The following ARHGAP12 variants were observed in gnomAD, a reference collection of about 807,000 sequenced individuals.
The protein encoded by ARHGAP12 is Rho GTPase activating protein 12, also known as rho GTPase-activating protein 12.
ARHGAP12 carries 64 observed loss-of-function variants against 108.6 expected under a neutral mutation model. The ratio of observed to expected loss-of-function variants is 0.59; its 90% CI spans 0.48 to 0.73. The LOEUF (loss-of-function observed/expected upper bound fraction) is 0.73, where lower values mean the gene tolerates loss of function less well. ARHGAP12 is among the 30% of genes least tolerant of loss of function. The pLI is 0.00. For missense variants in ARHGAP12, 940 were observed against 1,005.9 expected, an observed-to-expected ratio of 0.93 and a Z score of 0.89; for synonymous variants, 312 against 337.2, an observed-to-expected ratio of 0.93 and a Z score of 0.82.
chr10:31,893,836 G>C (rs1189058144), intron 3 of ARHGAP12, among the ~76,000 whole-genome samples: 5 of 152,064 alleles, frequency 3.3e-5, no homozygotes, highest in Non-Finnish European at 4.4e-5. Context: ...AACATCAATG[G>C]AAAAATCCTC....
Position 31,861,488 on chromosome 10 carries a change from G to C in ARHGAP12, c.855C>G (p.Asn285Lys), listed in dbSNP as rs1484062086. 6 of 1,614,084 alleles carry C rather than the reference G, an allele frequency of 3.7e-6. No individual in the cohort carries two copies. ...TCCAAGTTCTTTCCTGTGTCCCTCT[G>C]TTATAGTAATAGCAACGCCCTGAGC... Reference protein sequence around the residue: ...KDSSGRCYYYNRGTQERTWKP... With the variant: ...KDSSGRCYYYKRGTQERTWKP... Residue 285 changes from asparagine (N) to lysine (K), a missense_variant, in exon 4 of 20, where the codon AAC becomes AAG. Coordinates refer to ENST00000344936, the MANE Select transcript of ARHGAP12 (RefSeq NM_018287.7).
In ARHGAP12 at chr10:31,854,225, A is replaced by AT. The variant is rs1564391419; in HGVS notation, c.949-20dup. 2 of 1,580,834 alleles carry AT rather than the reference A, an allele frequency of 1.3e-6. No homozygotes were observed. The highest frequency in any genetic ancestry group is 2.4e-5 in the South Asian group (2 of 84,736). ...AAAGAAGCTACAAATAGTCAGAAAC[A>AT]TAAGGATTTTTCTTTTTTGAATATA... is the stretch of plus-strand genomic sequence containing the variant. On this transcript the variant is annotated intron_variant, in intron 4 of 19. Transcript: ENST00000344936.
chr10:31,867,920 C>T (rs1340724500), intron 3 of ARHGAP12, among the ~76,000 whole-genome samples: 1 of 152,012 alleles, frequency 6.6e-6, no homozygotes, highest in Middle Eastern at 3.2e-3. Context: ...AAAAATCTGG[C>T]CAGGCACAGT....
In ARHGAP12 at chr10:31,820,438, T is replaced by C; in HGVS notation, c.1581A>G (p.Ala527=). Residue 527 remains alanine (A), a synonymous_variant, in exon 12 of 20, where the codon GCA becomes GCG. Coordinates refer to ENST00000344936, the MANE Select transcript of ARHGAP12 (RefSeq NM_018287.7). ...TATCCTTTGAAGCCATCTCAATTGT[T>C]GCCCCCTTGAGGTCCACTGTGAACT... ...KPEFTVDLKG[A]TIEMASKDKS... The C allele has an allele frequency of 1.2e-6, 2 of 1,612,466 alleles. No individual in the cohort carries two copies. Among genetic ancestry groups the C allele is most frequent in the African/African-American group, 1.3e-5 (1 of 74,962 alleles).
At chr10:31,878,648 C>A (rs1207882354) in intron 3 of ARHGAP12, among the ~76,000 whole-genome samples, 1 of 152,222 alleles carries the variant, frequency 6.6e-6, no homozygotes, top group Non-Finnish European at 1.5e-5. Context: ...CTGCTGCCTT[C>A]TTTTGTAAAT....
At chr10:31,848,310 G>C (rs746332494) in intron 6 of ARHGAP12, among the ~76,000 whole-genome samples, 3 of 152,168 alleles carry the variant, frequency 2.0e-5, no homozygotes. Flanking sequence ...CGGCTTTTAA[G>C]ATTGTCTCCT....
At chr10:31,926,261 G>C (rs537948841) in intron 1 of ARHGAP12, among the ~76,000 whole-genome samples, 2 of 151,226 alleles carry the variant, frequency 1.3e-5, no homozygotes, top group South Asian at 4.2e-4. Flanking sequence ...AGTCCATGAA[G>C]TCAATGAAAG....
chr10:31,852,057 T>A (rs1359800764), intron 6 of ARHGAP12, among the ~76,000 whole-genome samples: 1 of 152,192 alleles, frequency 6.6e-6, no homozygotes, highest in Non-Finnish European at 1.5e-5. Flanking sequence ...TCCTAGGACA[T>A]CTTATCACAT....
chr10:31,807,868 T>C, intron 19 of ARHGAP12, 36 bp from the exon 20 acceptor site: 4 of 1,431,482 alleles, frequency 2.8e-6, no homozygotes, highest in Non-Finnish European at 3.7e-6. Context: ...AAAGAGAAAA[T>C]AAGAGAGAGG....
chr10:31,908,992 C>T (rs1839249101), intron 2 of ARHGAP12, 66 bp from the exon 3 acceptor site: 1 of 850,316 alleles, frequency 1.2e-6, no homozygotes, highest in Non-Finnish European at 1.8e-6. Flanking sequence ...TTCGTATTTA[C>T]TCACAAGCAT....
At position 31,908,604 on chromosome 10, in the gene ARHGAP12, T is replaced by C. The variant is rs765387870; in HGVS notation, c.252A>G (p.Val84=). 26 of 1,614,122 alleles carry C rather than the reference T, an allele frequency of 1.6e-5. No individual in the cohort carries two copies. The Admixed American group carries it at 4.3e-4, about 27-fold the overall frequency. ...TCGTGGAGTTATTTGGCAGACCAGC[T>C]ACCTGCTTAACAGGTGGCATGAGAG... ...RKALMPPVKQ[V]AGLPNNSTKI... is the part of the protein sequence containing the mutation. The change falls in exon 3 of 20, where the codon GTA becomes GTG. Residue 84 remains valine, a synonymous_variant. Coordinates refer to ENST00000344936, the MANE Select transcript of ARHGAP12 (RefSeq NM_018287.7).
intron 3 of ARHGAP12, among the ~76,000 whole-genome samples, chr10:31,901,534 CAAAAAAA>C (rs61402251): frequency 4.7e-5 from 3 of 64,280 alleles, no homozygotes; most frequent in African/African-American, 1.2e-4. Flanking sequence ...AACCTGGTCT[CAAAAAAA>C]AAAAAAAAAA....
intron 3 of ARHGAP12, among the ~76,000 whole-genome samples, chr10:31,878,744 C>T (rs932489907): frequency 3.3e-5 from 5 of 152,158 alleles, no homozygotes; most frequent in Admixed American, 6.5e-5. Context: ...CAGAGTTGAA[C>T]ACTTGCAACA....
intron 3 of ARHGAP12, among the ~76,000 whole-genome samples, chr10:31,902,366 A>C (rs1838964433): frequency 6.6e-6 from 1 of 151,902 alleles, no homozygotes; most frequent in Non-Finnish European, 1.5e-5. Context: ...TAAGGCTCAC[A>C]CCTTATATAA....
intron 3 of ARHGAP12, among the ~76,000 whole-genome samples, chr10:31,899,895 CT>C (rs1356967710): frequency 1.3e-5 from 2 of 152,070 alleles, no homozygotes; most frequent in Non-Finnish European, 2.9e-5. Context: ...AAATTGAAAA[CT>C]TTTGCTCTAC....
At chr10:31,821,031 C>A (rs747710611) in intron 11 of ARHGAP12, among the ~76,000 whole-genome samples, 10 of 152,032 alleles carry the variant, frequency 6.6e-5, no homozygotes, top group Non-Finnish European at 1.3e-4. Context: ...AGGTAGATAA[C>A]AAGCGCATTT....
intron 1 of ARHGAP12, among the ~76,000 whole-genome samples, chr10:31,916,588 A>G (rs1247512331): frequency 2.0e-5 from 3 of 152,248 alleles, no homozygotes; most frequent in Non-Finnish European, 4.4e-5. Context: ...CAAAAAAAGT[A>G]AACAGGTAAA....
At chr10:31,834,302 T>C (rs1403367038) in intron 9 of ARHGAP12, among the ~76,000 whole-genome samples, 1 of 152,206 alleles carries the variant, frequency 6.6e-6, no homozygotes, top group Non-Finnish European at 1.5e-5. Flanking sequence ...TAATGATACC[T>C]GGAGGTGGGG....
chr10:31,844,244 T>C (rs960028999), intron 6 of ARHGAP12, among the ~76,000 whole-genome samples: 4 of 152,206 alleles, frequency 2.6e-5, no homozygotes, highest in African/African-American at 9.6e-5. Context: ...CAATCTTTCC[T>C]TTTATAGTAG....
Sources: gnomAD v4.1 joint callset for allele counts (sites outside exome capture counted in the v4.1 genomes callset) on GRCh38, gnomAD v4.1.1 for gene constraint, MANE v1.5 for transcripts, NCBI Gene and HGNC (gene_info 2026-07-23, HGNC 2026-07-21) for gene names.